Variants in LRFN2 observed in about 807,000 individuals in gnomAD.
LRFN2 encodes leucine rich repeat and fibronectin type III domain containing 2.
A neutral mutation model predicts 37.3 loss-of-function variants in LRFN2; 18 were observed. The ratio of observed to expected loss-of-function variants is 0.48; its 90% CI spans 0.33 to 0.72. The LOEUF (loss-of-function observed/expected upper bound fraction) is 0.72, where lower values mean the gene tolerates loss of function less well. Ranked by LOEUF, LRFN2 falls within the 30% of genes least tolerant of loss-of-function variation. LRFN2 has a pLI of 0.02. For synonymous variants in LRFN2, 556 were observed against 466.6 expected (o/e 1.19, Z -2.47); for missense variants, 1,006 against 1,060.7 (o/e 0.95, Z 0.72).
chr6:40,426,457 G>T (rs1276820984), intron 2 of LRFN2, among the ~76,000 whole-genome samples: 1 of 152,158 alleles, frequency 6.6e-6, no homozygotes, highest in Non-Finnish European at 1.5e-5. Context: ...TTTGGACCAG[G>T]ACTTACCAAG....
chr6:40,501,351 C>T (rs1157429913), intron 1 of LRFN2, among the ~76,000 whole-genome samples: 1 of 152,030 alleles, frequency 6.6e-6, no homozygotes, highest in East Asian at 1.9e-4. Context: ...GACAGGGTCT[C>T]ACTCTGTCAC....
At chr6:40,507,487 A>G (rs565303183) in intron 1 of LRFN2, among the ~76,000 whole-genome samples, 1 of 152,286 alleles carries the variant, frequency 6.6e-6, no homozygotes, top group Non-Finnish European at 1.5e-5. Context: ...AGTGACATAG[A>G]TCGTATAAGT....
At chr6:40,409,567 A>G (rs1762917191) in intron 2 of LRFN2, among the ~76,000 whole-genome samples, 2 of 152,204 alleles carry the variant, frequency 1.3e-5, no homozygotes, top group African/African-American at 2.4e-5. Flanking sequence ...TAGCTGAGCA[A>G]TCTTGAACAA....
chr6:40,393,519 A>T (rs1762556577), intron 2 of LRFN2, among the ~76,000 whole-genome samples: 1 of 151,810 alleles, frequency 6.6e-6, no homozygotes. Flanking sequence ...AGTTGAGAGG[A>T]CACACAGGGA....
chr6:40,422,683 A>G (rs1728287773), intron 2 of LRFN2, among the ~76,000 whole-genome samples: 1 of 152,182 alleles, frequency 6.6e-6, no homozygotes, highest in Non-Finnish European at 1.5e-5. Context: ...GGCCACCACT[A>G]CAGCATTGTC....
chr6:40,475,793 G>A (rs889626339), intron 1 of LRFN2, among the ~76,000 whole-genome samples: 1 of 152,132 alleles, frequency 6.6e-6, no homozygotes, highest in Non-Finnish European at 1.5e-5. Flanking sequence ...TGTGCTGCCT[G>A]TGAGATGGGT....
chr6:40,443,891 G>C (rs1430892289), intron 1 of LRFN2, among the ~76,000 whole-genome samples: 1 of 152,166 alleles, frequency 6.6e-6, no homozygotes, highest in Non-Finnish European at 1.5e-5. Flanking sequence ...CCCAGTCAGG[G>C]CATAGCCATG....
intron 1 of LRFN2, among the ~76,000 whole-genome samples, chr6:40,563,229 C>G (rs1229761674): frequency 6.6e-6 from 1 of 152,136 alleles, no homozygotes; most frequent in African/African-American, 2.4e-5. Context: ...AAATATCTGC[C>G]TCTCTGCATC....
intron 1 of LRFN2, among the ~76,000 whole-genome samples, chr6:40,513,880 C>T (rs558954509): frequency 8.0e-5 from 12 of 150,716 alleles, no homozygotes; most frequent in African/African-American, 2.2e-4. Context: ...GAAGCACTTC[C>T]GGCAGAAGGA....
rs143498152 is a variant in LRFN2 at position 40,432,928 on chromosome 6, G to A, written c.186C>T (p.Asn62=). ...CCTGGCGGCTGATGTGGATGATGAAGTTGCCGCCCAGGCGCAGCTCCACTG... is the reference window on the plus strand; with the variant it reads ...CCTGGCGGCTGATGTGGATGATGAAATTGCCGCCCAGGCGCAGCTCCACTG... ...RRTVELRLGG[N]FIIHISRQDF... The change falls in exon 2 of 3, where the codon AAC becomes AAT. Residue 62 remains asparagine, a synonymous_variant. Transcript: ENST00000338305. 1.2e-5 allele frequency: 20 copies of A among 1,614,098 alleles called. No individual in the cohort carries two copies. The African/African-American group carries it at 2.7e-4, about 22-fold the overall frequency.
Position 40,398,177 on chromosome 6 carries a change from G to A in LRFN2, c.1401-5265C>T, listed in dbSNP as rs143287587. On this transcript the variant is annotated intron_variant, in intron 2 of 2. Coordinates refer to ENST00000338305, the MANE Select transcript of LRFN2 (RefSeq NM_020737.3). ...GGGGCTGACCTCTGCATCGTAGGAG[G>A]ACAATCCCAGGACACCCCTGGGCTC... is the stretch of plus-strand genomic sequence containing the variant. Among the ~76,000 whole-genome samples the A allele has an allele frequency of 9.5e-3, 1,435 of 151,840 alleles. 32 individuals are homozygous for A. The highest frequency in any genetic ancestry group is 0.02 in the Middle Eastern group (6 of 294).
intron 1 of LRFN2, among the ~76,000 whole-genome samples, chr6:40,546,190 T>C (rs1005897145): frequency 2.0e-5 from 3 of 152,056 alleles, no homozygotes; most frequent in African/African-American, 7.2e-5. Context: ...CAGCGGGTGA[T>C]TGGCTGGCTC....
chr6:40,472,678 C>G (rs1446378371), intron 1 of LRFN2, among the ~76,000 whole-genome samples: 1 of 152,158 alleles, frequency 6.6e-6, no homozygotes, highest in East Asian at 1.9e-4. Flanking sequence ...CCAGGGAGAT[C>G]CTACGGGAGC....
intron 1 of LRFN2, among the ~76,000 whole-genome samples, chr6:40,445,399 G>A (rs1340585508): frequency 5.9e-5 from 9 of 152,258 alleles, no homozygotes; most frequent in Admixed American, 1.3e-4. Flanking sequence ...TTCTCAAGGC[G>A]GAGAGAAAAG....
At chr6:40,476,730 C>T (rs1449094262) in intron 1 of LRFN2, among the ~76,000 whole-genome samples, 1 of 152,256 alleles carries the variant, frequency 6.6e-6, no homozygotes, top group African/African-American at 2.4e-5. Context: ...CAATGCCTTC[C>T]TCTCATCGTC....
intron 1 of LRFN2, among the ~76,000 whole-genome samples, chr6:40,535,979 G>C (rs1246044120): frequency 6.6e-6 from 1 of 152,144 alleles, no homozygotes; most frequent in East Asian, 1.9e-4. Flanking sequence ...CAGCCTGAGT[G>C]AGAATGTTAG....
At chr6:40,519,973 GA>G (rs1766005849) in intron 1 of LRFN2, among the ~76,000 whole-genome samples, 1 of 152,154 alleles carries the variant, frequency 6.6e-6, no homozygotes, top group Admixed American at 6.5e-5. Context: ...CAGGCAGAGG[GA>G]ACAGCATATA....
At chr6:40,539,204 C>T (rs2113914833) in intron 1 of LRFN2, among the ~76,000 whole-genome samples, 1 of 152,316 alleles carries the variant, frequency 6.6e-6, no homozygotes, top group East Asian at 1.9e-4. Flanking sequence ...TAAGGAACAG[C>T]TGTTAGCCAC....
intron 1 of LRFN2, among the ~76,000 whole-genome samples, chr6:40,565,510 C>T (rs138698773): frequency 0.034 from 5,130 of 152,252 alleles, 140 homozygotes; most frequent in South Asian, 0.11. Context: ...GTAACCAAAA[C>T]AGCATGGTAT....
Sources: allele counts gnomAD v4.1 joint callset (sites outside exome capture counted in the v4.1 genomes callset), GRCh38; gene constraint gnomAD v4.1.1; transcripts MANE v1.5; gene names NCBI Gene and HGNC (gene_info 2026-07-23, HGNC 2026-07-21).